PRKCH: variants seen among roughly 807,000 people sequenced by gnomAD.
PRKCH encodes protein kinase C eta, also known as protein kinase C eta type.
PRKCH carries 28 observed loss-of-function variants against 82.5 expected under a neutral mutation model. The ratio of observed to expected loss-of-function variants is 0.34; its 90% CI spans 0.25 to 0.47. The LOEUF is 0.47. PRKCH is among the 20% of genes least tolerant of loss of function. PRKCH has a pLI of 1.00. For synonymous variants in PRKCH, 322 were observed against 327.4 expected, an observed-to-expected ratio of 0.98 and a Z score of 0.18; for missense variants, 705 against 881.8, an observed-to-expected ratio of 0.80 and a Z score of 2.54.
rs10545403 is a variant in PRKCH at position 61,529,905 on chromosome 14, T to TAA, written c.1573-494_1573-493dup. ...ATGTACCCTAAAACTTAAAGTATAATAAAAAAAAATATATATATATATGTA... is the reference window on the plus strand; with the variant it reads ...ATGTACCCTAAAACTTAAAGTATAATAAAAAAAAAAATATATATATATATGTA... On this transcript the variant is annotated intron_variant, in intron 11 of 13. Transcript: ENST00000332981. Among the ~76,000 whole-genome samples, 578 of 135,928 alleles carry TAA rather than the reference T, an allele frequency of 4.3e-3. 4 individuals carry two copies. Among genetic ancestry groups the TAA allele is most frequent in the African/African-American group, 0.018 (564 of 31,580 alleles). The allele number at this position is 135,928 out of a possible 152,430, so 89.2% of individuals were successfully genotyped here.
intron 1 of PRKCH, among the ~76,000 whole-genome samples, chr14:61,283,636 C>T (rs2045290351): frequency 6.6e-6 from 1 of 151,992 alleles, no homozygotes; most frequent in Non-Finnish European, 1.5e-5. Flanking sequence ...CACTTGAGCC[C>T]AGCAGTTTGA....
intron 2 of PRKCH, among the ~76,000 whole-genome samples, chr14:61,420,600 T>C (rs982136977): frequency 6.6e-6 from 1 of 152,196 alleles, no homozygotes. Flanking sequence ...GGACTCTCTC[T>C]GTGTTTTGTT....
chr14:61,477,293 A>G (rs1466441599), intron 9 of PRKCH: 1 of 152,250 alleles, frequency 6.6e-6, no homozygotes, highest in African/African-American at 2.4e-5. Context: ...CCTTAAAGCA[A>G]TAGCTACATT....
intron 1 of PRKCH, among the ~76,000 whole-genome samples, chr14:61,188,398 T>C (rs2044379746): frequency 6.6e-6 from 1 of 152,098 alleles, no homozygotes; most frequent in Admixed American, 6.5e-5. Flanking sequence ...GGCCCGCGGC[T>C]CTCAGGCAGT....
In PRKCH at chr14:61,231,878, A is replaced by T. The variant is rs574833425; in HGVS notation, c.-19+44210A>T. Among the ~76,000 whole-genome samples the T allele has an allele frequency of 2.0e-5, 3 of 152,306 alleles. No individual in the cohort carries two copies. In the South Asian group the frequency reaches 6.2e-4, roughly 32 times the overall value. ...TCTTCCTGCTATACTCTCACCACAC[A>T]GTCACACAACACTGCTAACACCAGC... On this transcript the variant is annotated intron_variant, in intron 1 of 3. Transcript: ENST00000555185.
At chr14:61,544,617 C>A (rs774301687) in intron 12 of PRKCH, 1 of 152,182 alleles carries the variant, frequency 6.6e-6, no homozygotes, top group Non-Finnish European at 1.5e-5. Flanking sequence ...TGCCCACACA[C>A]CTCCAATGCA....
At chr14:61,188,704 A>AGTGTGTGTGTGT (rs754540967) in intron 1 of PRKCH, among the ~76,000 whole-genome samples, 1,338 of 86,960 alleles carry the variant, frequency 0.015, 89 homozygotes, top group Admixed American at 0.02. Flanking sequence ...ACGTTGCTGT[A>AGTGTGTGTGTGT]GTGTGTGTGT....
chr14:61,514,033 C>T (rs1438249917), intron 10 of PRKCH, among the ~76,000 whole-genome samples: 1 of 152,086 alleles, frequency 6.6e-6, no homozygotes, highest in African/African-American at 2.4e-5. Context: ...CTTTGACTAA[C>T]TCACCTGAAC....
At chr14:61,458,328 T>G (rs570029222) in intron 9 of PRKCH, among the ~76,000 whole-genome samples, 121 of 152,344 alleles carry the variant, frequency 7.9e-4, no homozygotes, top group Middle Eastern at 6.8e-3. Flanking sequence ...TAGTACAAAC[T>G]TTTTACTTGT....
intron 2 of PRKCH, among the ~76,000 whole-genome samples, chr14:61,437,461 A>T: frequency 6.6e-6 from 1 of 152,224 alleles, no homozygotes; most frequent in Non-Finnish European, 1.5e-5. Context: ...TGTACAAATG[A>T]TAAAACAAAT....
chr14:61,494,342 A>T (rs1157871509), intron 10 of PRKCH, among the ~76,000 whole-genome samples: 1 of 152,186 alleles, frequency 6.6e-6, no homozygotes, highest in African/African-American at 2.4e-5. Flanking sequence ...ATTTAGAGTA[A>T]GTATCCCCAA....
intron 1 of PRKCH, among the ~76,000 whole-genome samples, chr14:61,233,394 A>AC (rs1190672573): frequency 6.6e-6 from 1 of 151,060 alleles, no homozygotes; most frequent in Non-Finnish European, 1.5e-5. Context: ...TTGTCTCAAA[A>AC]AAAAAGAAAA....
intron 7 of PRKCH, among the ~76,000 whole-genome samples, chr14:61,456,252 G>T (rs1481314966): frequency 6.6e-6 from 1 of 152,162 alleles, no homozygotes; most frequent in African/African-American, 2.4e-5. Flanking sequence ...AGGGTCTTAG[G>T]TTAGCTTGCA....
At chr14:61,363,479 G>A (rs2046257137) in intron 1 of PRKCH, among the ~76,000 whole-genome samples, 1 of 152,168 alleles carries the variant, frequency 6.6e-6, no homozygotes, top group Non-Finnish European at 1.5e-5. Flanking sequence ...TTGATCAACT[G>A]GCTACGGGGA....
intron 9 of PRKCH, 117 bp downstream of exon 9, chr14:61,457,796 AG>A (rs1436299659): frequency 7.2e-7 from 1 of 1,391,876 alleles, no homozygotes; most frequent in African/African-American, 1.4e-5. Flanking sequence ...TGGGCTCCCA[AG>A]GCAGGGTCAT....
intron 4 of PRKCH, among the ~76,000 whole-genome samples, chr14:61,446,098 A>G (rs1884208056): frequency 6.6e-6 from 1 of 151,772 alleles, no homozygotes; most frequent in Non-Finnish European, 1.5e-5. Flanking sequence ...AAAGTAGCAC[A>G]CTGCTGTTTT....
intron 1 of PRKCH, among the ~76,000 whole-genome samples, chr14:61,231,623 C>T (rs1028592294): frequency 1.3e-5 from 2 of 152,120 alleles, no homozygotes; most frequent in African/African-American, 2.4e-5. Flanking sequence ...CCGCCCACCT[C>T]GGCCTCCCAT....
intron 1 of PRKCH, among the ~76,000 whole-genome samples, chr14:61,260,184 A>C (rs2045034222): frequency 6.6e-6 from 1 of 152,240 alleles, no homozygotes; most frequent in Non-Finnish European, 1.5e-5. Context: ...TTTTATAATA[A>C]AAATAAAGCT....
At position 61,533,677 on chromosome 14, in the gene PRKCH, T is replaced by A. The variant is rs377318519; in HGVS notation, c.1761+3082T>A. On this transcript the variant is annotated intron_variant, in intron 12 of 13. Transcript: ENST00000332981. Reference sequence around the variant, plus strand: ...TTGGGCAAATGGCCTAATTCTTCCATGCCTCAGCAGGTGGGGTGTACAACC... The same window carrying A: ...TTGGGCAAATGGCCTAATTCTTCCAAGCCTCAGCAGGTGGGGTGTACAACC... Among the ~76,000 whole-genome samples, 19 of 152,342 alleles carry A rather than the reference T, an allele frequency of 1.2e-4. 2 individuals carry two copies. The highest frequency in any genetic ancestry group is 7.8e-4 in the Admixed American group (12 of 15,304).
Sources: gnomAD v4.1 joint callset for allele counts (sites outside exome capture counted in the v4.1 genomes callset) on GRCh38, gnomAD v4.1.1 for gene constraint, MANE v1.5 for transcripts, NCBI Gene and HGNC (gene_info 2026-07-23, HGNC 2026-07-21) for gene names.